Variants in ATP13A4 observed in about 807,000 individuals in gnomAD.
ATP13A4 encodes probable cation-transporting ATPase 13A4.
In ATP13A4, 114 loss-of-function variants were observed where a neutral mutation model predicts 142.5. The observed-to-expected ratio is 0.80, with a 90% CI of 0.69 to 0.93. The LOEUF (loss-of-function observed/expected upper bound fraction) is 0.93. ATP13A4 is among the 40% of genes least tolerant of loss of function. ATP13A4 has a pLI of 0.00. For missense variants in ATP13A4, 1,392 were observed against 1,454.0 expected (o/e 0.96, Z 0.69); for synonymous variants, 488 against 514.8 (o/e 0.95, Z 0.70).
chr3:193,443,303 C>T (rs921354007), intron 18 of ATP13A4, among the ~76,000 whole-genome samples: 14 of 152,094 alleles, frequency 9.2e-5, no homozygotes, highest in East Asian at 1.9e-4. Flanking sequence ...TAGAGCTGTG[C>T]GTGTGTGGAC....
intron 17 of ATP13A4, 40 bp downstream of exon 17, chr3:193,454,061 C>A: frequency 6.5e-7 from 1 of 1,527,368 alleles, no homozygotes; most frequent in South Asian, 1.1e-5. Context: ...TACATCTTTC[C>A]ATCAAACCTT....
At chr3:193,565,812 C>T (rs1724119718) in intron 2 of ATP13A4, among the ~76,000 whole-genome samples, 1 of 152,244 alleles carries the variant, frequency 6.6e-6, no homozygotes, top group African/African-American at 2.4e-5. Flanking sequence ...TCGTGAGAAA[C>T]ATATTCATTT....
chr3:193,405,732 A>G (rs72607881), intron 29 of ATP13A4, among the ~76,000 whole-genome samples: 13,090 of 152,124 alleles, frequency 0.086, 633 homozygotes, highest in Middle Eastern at 0.12. Context: ...TATTTAAGCC[A>G]CTGTTAGTTA....
At position 193,576,249 on chromosome 3, in the gene ATP13A4, CTTTTTTTTTTTTTT is replaced by C. The variant is rs59910562; in HGVS notation, n.291+5444_291+5457del. On this transcript the variant is annotated intron_variant and non_coding_transcript_variant, in intron 2 of 3. Transcript: ENST00000489140. Reference sequence around the variant, plus strand: ...TCCATGGAATGTGGCTTGAATCAATCTTTTTTTTTTTTTTTTTTTTTTTTTTTTTTTTTGAGACG... The same window carrying C: ...TCCATGGAATGTGGCTTGAATCAATCTTTTTTTTTTTTTTTTTTTGAGACG... 1.9e-3 allele frequency among the ~76,000 whole-genome samples: 105 copies of C among 54,390 alleles called. 2 individuals are homozygous for C. The East Asian group carries it at 0.052, about 27-fold the overall frequency. 35.7% of individuals were successfully genotyped at this position (54,390 alleles called of 152,430 possible). A position where few individuals can be genotyped will look rare whatever the true frequency, so the allele number is the denominator to read the frequency against.
At chr3:193,567,909 C>T (rs1218472141) in intron 2 of ATP13A4, among the ~76,000 whole-genome samples, 4 of 152,152 alleles carry the variant, frequency 2.6e-5, no homozygotes, top group African/African-American at 4.8e-5. Context: ...CATGGTTGTG[C>T]CTTTGGTAAA....
Position 193,431,777 on chromosome 3 carries a change from C to A in ATP13A4, c.2842+2068G>T, listed in dbSNP as rs540317710. 4.0e-5 allele frequency among the ~76,000 whole-genome samples: 6 copies of A among 149,790 alleles called. 1 individual carries two copies. Among genetic ancestry groups the A allele is most frequent in the African/African-American group, 1.5e-4 (6 of 40,996 alleles). On this transcript the variant is annotated intron_variant, in intron 25 of 29. Coordinates refer to ENST00000342695, the MANE Select transcript of ATP13A4 (RefSeq NM_032279.4). ...ATGTTTCCCATATATATATATGTTT[C>A]CATTATATATATGAAAACAAGTAAA...
chr3:193,457,078 G>C lies in ATP13A4; in HGVS notation c.1837C>G (p.Gln613Glu). The change falls in exon 16 of 30, where the codon CAA (glutamine) becomes GAA (glutamate). Residue 613 changes from glutamine (Q) to glutamate (E), a missense_variant. Transcript: ENST00000342695. ...SALQRMTVIVQEMGGDRLAFM... is the reference protein window; with the variant it reads ...SALQRMTVIVEEMGGDRLAFM... ...GCCAGTCGGTCACCTCCCATCTCTT[G>C]GACAATGACTGTCATTCTTTGCAGT... The C allele has an allele frequency of 6.2e-7, 1 of 1,614,006 alleles. No individual in the cohort carries two copies. Among genetic ancestry groups the C allele is most frequent in the South Asian group, 1.1e-5 (1 of 91,076 alleles).
chr3:193,474,303 A>G (rs1028179725), intron 8 of ATP13A4, among the ~76,000 whole-genome samples: 1 of 140,278 alleles, frequency 7.1e-6, no homozygotes, highest in Admixed American at 7.4e-5. Context: ...CAGCCTGGTG[A>G]CAGAGCGAGA....
chr3:193,491,191 G>C, intron 6 of ATP13A4, 138 bp downstream of exon 6: 1 of 758,056 alleles, frequency 1.3e-6, no homozygotes, highest in Admixed American at 1.9e-5. Flanking sequence ...AGAGATATGA[G>C]GATAATATGC....
upstream of ATP13A4, among the ~76,000 whole-genome samples, chr3:193,558,653 C>T (rs1319369822): frequency 6.6e-6 from 1 of 152,116 alleles, no homozygotes; most frequent in African/African-American, 2.4e-5. Flanking sequence ...TTATGCTTGT[C>T]TAGATAAATA....
chr3:193,427,275 A>T (rs909886990), intron 25 of ATP13A4, among the ~76,000 whole-genome samples: 2 of 152,204 alleles, frequency 1.3e-5, no homozygotes, highest in African/African-American at 4.8e-5. Flanking sequence ...AAGAAGAACT[A>T]CAAACCACTG....
chr3:193,416,781 A>G (rs1715086842), intron 25 of ATP13A4, among the ~76,000 whole-genome samples: 1 of 152,196 alleles, frequency 6.6e-6, no homozygotes, highest in Non-Finnish European at 1.5e-5. Flanking sequence ...GGAAGGAGAG[A>G]AGAGAAAGAG....
chr3:193,502,675 A>C, intron 2 of ATP13A4, 36 bp from the exon 3 acceptor site: 3 of 1,595,018 alleles, frequency 1.9e-6, no homozygotes, highest in Non-Finnish European at 2.6e-6. Flanking sequence ...CAAGAAGTTA[A>C]GAGAGGTCAG....
At chr3:193,581,045 CA>C (rs1321938374) in intron 2 of ATP13A4, among the ~76,000 whole-genome samples, 1 of 152,162 alleles carries the variant, frequency 6.6e-6, no homozygotes, top group Non-Finnish European at 1.5e-5. Context: ...AGAAGTTGCT[CA>C]CATCGTTAAC....
At chr3:193,559,016 A>T (rs1472009505), upstream of ATP13A4, among the ~76,000 whole-genome samples, 2 of 152,232 alleles carry the variant, frequency 1.3e-5, no homozygotes, top group Non-Finnish European at 2.9e-5. Flanking sequence ...TAGATGTCCA[A>T]TGGAAATAAT....
chr3:193,489,767 A>G lies in ATP13A4; in HGVS notation c.701T>C (p.Ile234Thr), dbSNP rs1298612407. 3 of 1,610,898 alleles carry G rather than the reference A, an allele frequency of 1.9e-6. No homozygotes were observed. In the South Asian group the frequency reaches 3.3e-5, roughly 18 times the overall value. Residue 234 changes from isoleucine to threonine, a missense_variant, in exon 7 of 30, where the codon ATA (isoleucine) becomes ACA (threonine). Transcript: ENST00000342695. The part of the protein sequence containing the change: ...EYAFAIIIMS[I>T]ISISLTVYDL... ...ATATACTGTCAAAGATATGGAAATTATGGACATGATTATGATGGCAAAAGC... is the reference window on the plus strand; with the variant it reads ...ATATACTGTCAAAGATATGGAAATTGTGGACATGATTATGATGGCAAAAGC...
intron 1 of ATP13A4, among the ~76,000 whole-genome samples, chr3:193,524,204 AC>A (rs1038145714): frequency 2.6e-5 from 4 of 152,210 alleles, no homozygotes; most frequent in Non-Finnish European, 5.9e-5. Flanking sequence ...AAATCATTGA[AC>A]CTGAAAGGGT....
At chr3:193,425,303 G>A (rs1715600466) in intron 25 of ATP13A4, among the ~76,000 whole-genome samples, 2 of 151,596 alleles carry the variant, frequency 1.3e-5, no homozygotes, top group Non-Finnish European at 3.0e-5. Flanking sequence ...ATAGCATGGA[G>A]GTTCCCTTAA....
chr3:193,443,977 G>C (rs1400779836), intron 18 of ATP13A4, among the ~76,000 whole-genome samples: 1 of 151,956 alleles, frequency 6.6e-6, no homozygotes, highest in Admixed American at 6.6e-5. Context: ...CATGTCATTA[G>C]AGTCCAAGGA....
Sources: allele counts gnomAD v4.1 joint callset (sites outside exome capture counted in the v4.1 genomes callset), GRCh38; gene constraint gnomAD v4.1.1; transcripts MANE v1.5; gene names NCBI Gene and HGNC (gene_info 2026-07-23, HGNC 2026-07-21).